COL4A4: variants seen among roughly 807,000 people sequenced by gnomAD.
The protein encoded by COL4A4 is collagen alpha-4(IV) chain.
In COL4A4, 105 loss-of-function variants were observed where a neutral mutation model predicts 192.9. The ratio of observed to expected loss-of-function variants is 0.54; its 90% CI spans 0.46 to 0.64. COL4A4 has a LOEUF of 0.64. COL4A4 is among the 30% of genes least tolerant of loss of function. The probability of loss-of-function intolerance (pLI) is 0.00; values close to 1 mark genes in which losing one functional copy is unlikely to be tolerated. For synonymous variants in COL4A4, 762 were observed against 769.9 expected, an observed-to-expected ratio of 0.99 and a Z score of 0.17; for missense variants, 1,967 against 2,169.3, an observed-to-expected ratio of 0.91 and a Z score of 1.85.
At position 227,059,453 on chromosome 2, in the gene COL4A4, G is replaced by A. The variant is rs886055725; in HGVS notation, c.2335C>T (p.Pro779Ser). 1 of 1,613,944 alleles carries A rather than the reference G, an allele frequency of 6.2e-7. No individual in the cohort carries two copies. Among genetic ancestry groups the A allele is most frequent in the Non-Finnish European group, 8.5e-7 (1 of 1,180,008 alleles). The change falls in exon 28 of 48, where the codon CCA becomes TCA. Residue 779 changes from proline (P) to serine (S), a missense_variant. By Grantham distance (74) the Pro-to-Ser change is moderately conservative (BLOSUM62 -1). Coordinates refer to ENST00000396625, the MANE Select transcript of COL4A4 (RefSeq NM_000092.5). ...TCACCTCTGGGTCCTTTTATCCCTG[G>A]CACTCCTGAAAGACCCCTCTTTCCC... Reference protein sequence around the residue: ...PPGKRGLSGVPGIKGPRGDPG... With the variant: ...PPGKRGLSGVSGIKGPRGDPG...
At chr2:227,050,842 T>C (rs539678440) in intron 33 of COL4A4, 135 bp downstream of exon 33, 3 of 1,046,920 alleles carry the variant, frequency 2.9e-6, no homozygotes, top group East Asian at 2.4e-5. Flanking sequence ...TATTTTCTCC[T>C]TGAGCTACAC....
In COL4A4 at chr2:227,056,172, A is replaced by G. The variant is rs369140248; in HGVS notation, c.2546-57T>C. 150 of 1,484,858 alleles carry G rather than the reference A, an allele frequency of 1.0e-4. No individual in the cohort carries two copies. In the African/African-American group the frequency reaches 1.6e-3, roughly 16 times the overall value. The allele number at this position is 1,484,858 out of a possible 1,614,324, so 92.0% of individuals were successfully genotyped here. On this transcript the variant is annotated intron_variant, in intron 29 of 47. Transcript: ENST00000396625. The stretch of plus-strand genomic sequence containing the variant: ...AAGGCTGAACACTGGCTTCACACAC[A>G]GCAGGAAAAATATACAGTAGCTTAA...
chr2:227,048,547 A>G (rs1053742033), intron 34 of COL4A4, among the ~76,000 whole-genome samples: 7 of 152,192 alleles, frequency 4.6e-5, no homozygotes, highest in Admixed American at 4.6e-4. Context: ...CAGTTGGTAG[A>G]CAGGTAAGTG....
At chr2:226,971,346 C>T in the COL4A4 span, among the ~76,000 whole-genome samples, 2 of 152,182 alleles carry the variant, frequency 1.3e-5, no homozygotes, top group Non-Finnish European at 2.9e-5. Flanking sequence ...AGTCTGGTGT[C>T]GAAGGACGTC....
intron 19 of COL4A4, among the ~76,000 whole-genome samples, chr2:227,095,960 C>T (rs2060189701): frequency 6.6e-6 from 1 of 152,086 alleles, no homozygotes; most frequent in Non-Finnish European, 1.5e-5. Context: ...CCACCTCTCA[C>T]AGCTTTTTTC....
intron 22 of COL4A4, among the ~76,000 whole-genome samples, chr2:227,088,164 G>A (rs766069263): frequency 6.6e-6 from 1 of 152,214 alleles, no homozygotes; most frequent in Non-Finnish European, 1.5e-5. Context: ...TTAGCATAAT[G>A]TTTGTAGGTT....
rs1975746031 is a variant in COL4A4, at chr2:227,057,525, A to T, written c.2459T>A (p.Val820Asp). 6.2e-7 allele frequency: 1 copy of T among 1,613,686 alleles called. No individual in the cohort carries two copies. Among genetic ancestry groups the T allele is most frequent in the Admixed American group, 1.7e-5 (1 of 59,966 alleles). ...ACAGGAATGGCCAGGTGGACCTGGG[A>T]CACCTGGAAACCCAGCATGTCCCTC... The part of the protein sequence containing the change: ...GREGHAGFPG[V>D]PGPPGHSCER... The change falls in exon 29 of 48, where the codon GTC becomes GAC. Residue 820 changes from valine (V) to aspartate (D), a missense_variant. Physicochemically the swap from Val to Asp is radical, Grantham distance 152 (BLOSUM62 -3). Coordinates refer to ENST00000396625, the MANE Select transcript of COL4A4 (RefSeq NM_000092.5).
At chr2:227,159,263 T>A (rs2064612626) in intron 1 of COL4A4, among the ~76,000 whole-genome samples, 1 of 152,200 alleles carries the variant, frequency 6.6e-6, no homozygotes, top group South Asian at 2.1e-4. Context: ...AAATGCCAAC[T>A]AAAATGAAGT....
chr2:227,097,259 A>G (rs1486977733), intron 19 of COL4A4, among the ~76,000 whole-genome samples: 4 of 152,368 alleles, frequency 2.6e-5, no homozygotes, highest in Middle Eastern at 6.8e-3. Context: ...TGAAGTCAAT[A>G]GAGTAAGTTG....
chr2:227,052,478 T>C, intron 31 of COL4A4, 66 bp from the exon 32 acceptor site: 2 of 952,990 alleles, frequency 2.1e-6, no homozygotes, highest in Admixed American at 3.5e-5. Flanking sequence ...TATCCATTAC[T>C]ACATTTCACT....
rs746239973 is a variant in COL4A4 at position 227,102,831 on chromosome 2, C to T, written c.888G>A (p.Gly296=). The T allele has an allele frequency of 5.0e-6, 8 of 1,613,164 alleles. No individual in the cohort carries two copies. In the Admixed American group the frequency reaches 8.3e-5, roughly 17 times the overall value. ...PPGRKGESGI[G]AKGEKGIPGF... ...CAGGAATACCTTTTTCTCCTTTTGC[C>T]CCAATACCAGATTCTCCCTTTAAGA... is the stretch of plus-strand genomic sequence containing the variant. Residue 296 remains glycine (G), a synonymous_variant, in exon 15 of 48, where the codon GGG becomes GGA. Coordinates refer to ENST00000396625, the MANE Select transcript of COL4A4 (RefSeq NM_000092.5).
intron 25 of COL4A4, among the ~76,000 whole-genome samples, chr2:227,070,859 A>G (rs2058678977): frequency 6.7e-6 from 1 of 150,028 alleles, no homozygotes; most frequent in Non-Finnish European, 1.5e-5. Flanking sequence ...CATGTACCCT[A>G]AAACTTAAAG....
At chr2:227,078,529 C>A (rs1235423381) in intron 24 of COL4A4, among the ~76,000 whole-genome samples, 1 of 152,206 alleles carries the variant, frequency 6.6e-6, no homozygotes, top group East Asian at 1.9e-4. Flanking sequence ...GCCACCGCGC[C>A]TGGCCAATAT....
Position 227,030,465 on chromosome 2 carries a change from A to C in COL4A4, c.3951T>G (p.Cys1317Trp). The C allele has an allele frequency of 1.2e-6, 2 of 1,614,214 alleles. No individual in the cohort carries two copies. The highest frequency in any genetic ancestry group is 1.7e-6 in the Non-Finnish European group (2 of 1,180,042). ...GPPGYKGFPG[C>W]DGKDGQKGPV... ...TACCTTTCTGGCCATCTTTTCCATC[A>C]CATCCTGGAAAGCCTTTGTATCCTG... is the stretch of plus-strand genomic sequence containing the variant. Residue 1317 changes from cysteine (C) to tryptophan (W), a missense_variant, in exon 41 of 48, where the codon TGT becomes TGG. Physicochemically the swap from Cys to Trp is radical, Grantham distance 215 (BLOSUM62 -2). Transcript: ENST00000396625.
Position 227,102,614 on chromosome 2 carries a change from C to G in COL4A4, c.930+175G>C, listed in dbSNP as rs1574391. Among the ~76,000 whole-genome samples, 96,585 of 151,996 alleles carry G rather than the reference C, an allele frequency of 0.64. 30,701 individuals carry two copies. Among genetic ancestry groups the G allele is most frequent in the Middle Eastern group, 0.72 (211 of 294 alleles). On this transcript the variant is annotated intron_variant, in intron 15 of 47. Transcript: ENST00000396625. Reference sequence around the variant, plus strand: ...CTTGCCTGTTTTATCTAAATGATGTCAATGGAAGGATGCTCTGGGATATTT... The same window carrying G: ...CTTGCCTGTTTTATCTAAATGATGTGAATGGAAGGATGCTCTGGGATATTT...
intron 23 of COL4A4, 89 bp from the exon 24 acceptor site, chr2:227,080,638 G>T: frequency 8.6e-7 from 1 of 1,166,500 alleles, no homozygotes; most frequent in Non-Finnish European, 1.3e-6. Flanking sequence ...AAATGACCTT[G>T]ATTCTGGGTT....
At chr2:227,103,642 C>T (rs2060650164) in intron 13 of COL4A4, among the ~76,000 whole-genome samples, 1 of 152,198 alleles carries the variant, frequency 6.6e-6, no homozygotes, top group South Asian at 2.1e-4. Context: ...AGACATCAAA[C>T]TCATCTGTAA....
intron 7 of COL4A4, among the ~76,000 whole-genome samples, chr2:227,117,637 G>C (rs1401976259): frequency 2.7e-5 from 4 of 149,586 alleles, no homozygotes; most frequent in Admixed American, 2.0e-4. Flanking sequence ...TTAAGGAAGG[G>C]AGAAATGCTA....
rs115086610 is a variant in COL4A4 at position 227,017,236 on chromosome 2, C to T, written c.4216+4812G>A. On this transcript the variant is annotated intron_variant, in intron 44 of 47. Transcript: ENST00000396625. ...TGGGAAAAAGAGTCCTCACACCAGA[C>T]GTTATCACGTGGGCTTTACTCCCTT... 2.6e-3 allele frequency among the ~76,000 whole-genome samples: 396 copies of T among 152,296 alleles called. 4 individuals are homozygous for T. Among genetic ancestry groups the T allele is most frequent in the African/African-American group, 9.0e-3 (375 of 41,556 alleles).
Sources: allele counts gnomAD v4.1 joint callset (sites outside exome capture counted in the v4.1 genomes callset), GRCh38; gene constraint gnomAD v4.1.1; transcripts MANE v1.5; gene names NCBI Gene and HGNC (gene_info 2026-07-23, HGNC 2026-07-21).